INTS7: variants seen among roughly 807,000 people sequenced by gnomAD.
The protein encoded by INTS7 is integrator complex subunit 7, also known as chromosome 1 open reading frame 73.
In INTS7, 46 loss-of-function variants were observed where a neutral mutation model predicts 109.2. The observed-to-expected ratio is 0.42, with a 90% confidence interval of 0.33 to 0.54. The LOEUF (loss-of-function observed/expected upper bound fraction) is 0.54. INTS7 is among the 20% of genes least tolerant of loss of function. The pLI is 0.07. For synonymous variants in INTS7, 412 were observed against 402.9 expected (o/e 1.02, Z -0.27); for missense variants, 929 against 1,132.4 (o/e 0.82, Z 2.58).
chr1:211,971,915 C>CAAAAAAAAAAAAAAAAAAAAAA (rs745814699), intron 13 of INTS7, among the ~76,000 whole-genome samples: 32 of 79,762 alleles, frequency 4.0e-4, no homozygotes, highest in Admixed American at 9.7e-4. Context: ...AACTCAGTCT[C>CAAAAAAAAAAAAAAAAAAAAAA]AAAAAAAAAA....
intron 13 of INTS7, among the ~76,000 whole-genome samples, chr1:211,972,774 G>A (rs1274433212): frequency 6.6e-6 from 1 of 152,130 alleles, no homozygotes; most frequent in Non-Finnish European, 1.5e-5. Flanking sequence ...TGCTGGTCTG[G>A]AAGAACCAGG....
chr1:212,027,832 C>CT lies in INTS7; in HGVS notation c.95-6621_95-6620insA, dbSNP rs1666994358. The stretch of plus-strand genomic sequence containing the variant: ...CTTTGAAAAGGTTGGCATCGAGATT[C>CT]CTTTTTTTTTTCTTGAGACAGTCTC... On this transcript the variant is annotated intron_variant, in intron 1 of 19. Transcript: ENST00000366994. 2.8e-5 allele frequency among the ~76,000 whole-genome samples: 3 copies of CT among 105,958 alleles called. 1 individual carries two copies. In the South Asian group the frequency reaches 9.2e-4, roughly 33 times the overall value. 69.5% of individuals were successfully genotyped at this position (105,958 alleles called of 152,430 possible).
In INTS7 at chr1:212,006,709, C is replaced by G. The variant is rs1665925847; in HGVS notation, c.809G>C (p.Arg270Thr). Residue 270 changes from arginine to threonine, a missense_variant, in exon 7 of 20, where the codon AGA becomes ACA. This residue lies in a region of INTS7 where 787 missense variants were observed against 901.1 expected (regional missense o/e 0.87). Transcript: ENST00000366994. Reference protein sequence around the residue: ...LKNDPRKAVKRLAIQDLKLLA... With the variant: ...LKNDPRKAVKTLAIQDLKLLA... ...TAATTTCAGATCTTGAATAGCAAGT[C>G]TCTTTACTGCCTTCCTGGGATCATT... 1.2e-6 allele frequency: 2 copies of G among 1,602,986 alleles called. No individual in the cohort carries two copies.
At chr1:211,992,656 T>C (rs1007947689) in intron 7 of INTS7, among the ~76,000 whole-genome samples, 4 of 152,020 alleles carry the variant, frequency 2.6e-5, no homozygotes, top group African/African-American at 7.3e-5. Flanking sequence ...GCACTCCAGC[T>C]TGGGCAACAG....
chr1:211,975,442 T>C (rs1187818052), intron 12 of INTS7, 70 bp from the exon 13 acceptor site: 2 of 1,163,964 alleles, frequency 1.7e-6, no homozygotes, highest in African/African-American at 3.1e-5. Context: ...TTTGAAAGAG[T>C]TGATGCAGCA....
intron 5 of INTS7, among the ~76,000 whole-genome samples, chr1:212,009,003 C>G (rs1377793223): frequency 6.6e-6 from 1 of 152,146 alleles, no homozygotes; most frequent in Non-Finnish European, 1.5e-5. Context: ...CTCTTTCCTC[C>G]ACTGCAAGTT....
intron 1 of INTS7, among the ~76,000 whole-genome samples, chr1:212,033,902 G>A (rs1180197775): frequency 6.6e-6 from 1 of 152,078 alleles, no homozygotes; most frequent in Non-Finnish European, 1.5e-5. Context: ...GGCCAACATG[G>A]TGAAACCCCG....
At chr1:212,010,493 CTCCTAA>C (rs1437525311) in intron 5 of INTS7, among the ~76,000 whole-genome samples, 3 of 152,152 alleles carry the variant, frequency 2.0e-5, no homozygotes, top group African/African-American at 7.2e-5. Flanking sequence ...AGTTCCAGAG[CTCCTAA>C]TAATATTAGC....
chr1:211,999,966 A>T (rs1665586963), intron 7 of INTS7, among the ~76,000 whole-genome samples: 1 of 151,972 alleles, frequency 6.6e-6, no homozygotes, highest in South Asian at 2.1e-4. Flanking sequence ...TTAGCCAAGC[A>T]GGGTGGCTCA....
chr1:211,946,330 A>G lies in INTS7; in HGVS notation c.2415+277T>C, dbSNP rs1662844636. 6.6e-6 allele frequency among the ~76,000 whole-genome samples: 1 copy of G among 152,190 alleles called. No homozygotes were observed. On this transcript the variant is annotated intron_variant, in intron 18 of 19. Coordinates refer to ENST00000366994, the MANE Select transcript of INTS7 (RefSeq NM_015434.4). This position sits in a 1 kb window ranked among gnomAD's most constrained non-coding sequence, Gnocchi z 4.3. ...AAACCCCATCTTTACCAAAAATAAA[A>G]AAATCAGCTGCGTGAGGTGGTGGAT...
intron 1 of INTS7, 103 bp from the exon 2 acceptor site, chr1:212,021,315 A>G (rs1291504090): frequency 1.0e-6 from 1 of 961,296 alleles, no homozygotes; most frequent in African/African-American, 1.7e-5. Context: ...AGAAATAATC[A>G]TTCTTAAGAA....
intron 2 of INTS7, chr1:212,020,654 G>T: frequency 1.4e-6 from 1 of 694,556 alleles, no homozygotes; most frequent in Non-Finnish European, 1.8e-6. Context: ...ATGGAGAATG[G>T]CAGAAAGCAG....
At chr1:211,952,809 A>G in intron 16 of INTS7, 108 bp from the exon 17 acceptor site, 2 of 1,065,582 alleles carry the variant, frequency 1.9e-6, no homozygotes, top group Non-Finnish European at 2.7e-6. Flanking sequence ...TAAAATAATG[A>G]AGTTATTTCC....
chr1:212,022,177 A>G (rs567537799), intron 1 of INTS7, among the ~76,000 whole-genome samples: 13 of 152,368 alleles, frequency 8.5e-5, no homozygotes, highest in African/African-American at 3.1e-4. Flanking sequence ...AATGAACCAC[A>G]GACCTCAGTG....
In INTS7 at chr1:211,959,911, AG is replaced by A. The variant is rs1663539931; in HGVS notation, c.2183+6518del. On this transcript the variant is annotated intron_variant, in intron 16 of 19. Coordinates refer to ENST00000366994, the MANE Select transcript of INTS7 (RefSeq NM_015434.4). The surrounding 1 kb of genome is among the most constrained non-coding windows in gnomAD (Gnocchi z 4.2). ...GCTGCTGCTGTGAAGGCCCACACAA[AG>A]GCCGGCATCCCAGACCTGCTAGTAT... 6.6e-6 allele frequency among the ~76,000 whole-genome samples: 1 copy of A among 152,312 alleles called. No homozygotes were observed. Among genetic ancestry groups the A allele is most frequent in the African/African-American group, 2.4e-5 (1 of 41,556 alleles).
At chr1:212,014,555 C>T (rs1261370782) in intron 4 of INTS7, among the ~76,000 whole-genome samples, 4 of 151,460 alleles carry the variant, frequency 2.6e-5, no homozygotes, top group Non-Finnish European at 4.4e-5. Context: ...CTCCCTCCCC[C>T]TCCCCCTCCC....
chr1:212,018,030 C>T (rs1666516745), intron 3 of INTS7, among the ~76,000 whole-genome samples: 1 of 152,150 alleles, frequency 6.6e-6, no homozygotes, highest in Non-Finnish European at 1.5e-5. Context: ...CCCACTGCTT[C>T]CGGCTTAATT....
At chr1:211,994,836 T>C (rs1223181951) in intron 7 of INTS7, among the ~76,000 whole-genome samples, 1 of 148,096 alleles carries the variant, frequency 6.8e-6, no homozygotes, top group Non-Finnish European at 1.5e-5. Context: ...TAAATCAGAA[T>C]AAAAATTCAA....
intron 1 of INTS7, among the ~76,000 whole-genome samples, chr1:212,034,952 G>A (rs146017669): frequency 2.3e-4 from 35 of 152,288 alleles, no homozygotes; most frequent in African/African-American, 8.2e-4. Flanking sequence ...TGTCAAGTCG[G>A]TGCAAGATTA....
Sources: gnomAD v4.1 joint callset for allele counts (sites outside exome capture counted in the v4.1 genomes callset) on GRCh38, gnomAD v4.1.1 for gene constraint, gnomAD v4.1.1 regional missense constraint, Gnocchi (gnomAD v3.1) non-coding constraint, MANE v1.5 for transcripts, NCBI Gene and HGNC (gene_info 2026-07-23, HGNC 2026-07-21) for gene names.